CEMIP2: variants seen among roughly 807,000 people sequenced by gnomAD.
CEMIP2 encodes cell surface hyaluronidase CEMIP2.
Under a neutral mutation model 146.9 loss-of-function variants are expected in CEMIP2, and 79 were observed. The ratio of observed to expected loss-of-function variants is 0.54; its 90% CI spans 0.45 to 0.65. The LOEUF is 0.65. Among genes scored for constraint, CEMIP2 ranks in the 30% least tolerant of loss-of-function variants. The probability of loss-of-function intolerance (pLI) is 0.00; values close to 1 mark genes in which losing one functional copy is unlikely to be tolerated. For synonymous variants in CEMIP2, 601 were observed against 606.3 expected (o/e 0.99, Z 0.13); for missense variants, 1,596 against 1,696.2 (o/e 0.94, Z 1.04).
chr9:71,747,737 T>C (rs1403728337), intron 2 of CEMIP2, among the ~76,000 whole-genome samples: 3 of 152,208 alleles, frequency 2.0e-5, no homozygotes, highest in Non-Finnish European at 4.4e-5. Flanking sequence ...TTCCTCATTT[T>C]GAACTTGCAT....
intron 1 of CEMIP2, among the ~76,000 whole-genome samples, chr9:71,758,597 CCT>C (rs1360549769): frequency 6.6e-6 from 1 of 152,088 alleles, no homozygotes; most frequent in Non-Finnish European, 1.5e-5. Flanking sequence ...AGGTAGCACC[CCT>C]GAGAGGAGAG....
At chr9:71,726,553 CAAAT>C (rs1823391050) in intron 10 of CEMIP2, among the ~76,000 whole-genome samples, 1 of 152,086 alleles carries the variant, frequency 6.6e-6, no homozygotes, top group Non-Finnish European at 1.5e-5. Flanking sequence ...AGACTATTCT[CAAAT>C]AATTCATAGT....
At chr9:71,766,068 T>C (rs1289737357) in intron 1 of CEMIP2, among the ~76,000 whole-genome samples, 4 of 149,724 alleles carry the variant, frequency 2.7e-5, no homozygotes, top group African/African-American at 9.9e-5. Context: ...TTCTTCTTTT[T>C]TTTCTTTTTT....
Position 71,768,380 on chromosome 9 carries a change from C to T in CEMIP2, c.-36G>A, listed in dbSNP as rs1375950978. The stretch of plus-strand genomic sequence containing the variant: ...ACCTTCCCCTACCCCGCTTAGCGTC[C>T]GTTAACTCAGGTGCCTACACAGCGG... On this transcript the variant is annotated 5_prime_UTR_variant, in exon 1 of 24. Transcript: ENST00000377044. The T allele has an allele frequency of 6.6e-6, 1 of 152,138 alleles. No individual in the cohort carries two copies. The highest frequency in any genetic ancestry group is 2.4e-5 in the African/African-American group (1 of 41,404). The allele number at this position is 152,138 out of a possible 1,614,324, so 9.4% of individuals were successfully genotyped here.
chr9:71,761,400 AT>A (rs754653661), intron 1 of CEMIP2, among the ~76,000 whole-genome samples: 8 of 152,236 alleles, frequency 5.3e-5, no homozygotes, highest in Admixed American at 1.3e-4. Context: ...CCAAAATGCA[AT>A]GACAATAGGA....
chr9:71,685,217 G>A lies in CEMIP2; in HGVS notation c.4132C>T (p.Gln1378Ter). ...VRRRDLELLK[Q>*]ASKAH is the part of the protein sequence containing the mutation. The stretch of plus-strand genomic sequence containing the variant: ...AGTCTCTAATGTGCTTTTGAAGCTT[G>A]CTTTAGCAGTTCCAGGTCTCTTCTG... Residue 1378 changes from glutamine (Q) to a stop codon, truncating the protein, a stop_gained, in exon 24 of 24, where the codon CAA (glutamine) becomes TAA (stop). Transcript: ENST00000377044. LOFTEE classifies it high-confidence loss of function. 1 of 1,610,044 alleles carries A rather than the reference G, an allele frequency of 6.2e-7. No homozygotes were observed. The highest frequency in any genetic ancestry group is 8.5e-7 in the Non-Finnish European group (1 of 1,178,822).
intron 2 of CEMIP2, 87 bp downstream of exon 2, chr9:71,749,956 T>TTC (rs1824195798): frequency 2.4e-6 from 3 of 1,262,816 alleles, no homozygotes; most frequent in Non-Finnish European, 2.1e-6. Context: ...TAGGGCCAAC[T>TTC]TAAGATAAAT....
At chr9:71,709,121 AAGGAC>A in intron 17 of CEMIP2, 133 bp downstream of exon 17, 2 of 788,778 alleles carry the variant, frequency 2.5e-6, no homozygotes, top group Non-Finnish European at 2.0e-6. Context: ...AAAGAAAAGA[AAGGAC>A]AGGACAGGAC....
At chr9:71,701,818 G>A (rs1041249629) in intron 18 of CEMIP2, among the ~76,000 whole-genome samples, 2 of 151,724 alleles carry the variant, frequency 1.3e-5, no homozygotes, top group African/African-American at 4.8e-5. Context: ...AATATACCTA[G>A]GATAAAATTT....
chr9:71,720,956 A>G (rs1823216171), intron 12 of CEMIP2, among the ~76,000 whole-genome samples: 1 of 152,178 alleles, frequency 6.6e-6, no homozygotes, highest in Admixed American at 6.5e-5. Flanking sequence ...GGAACTACTT[A>G]AGCCATTATG....
rs1391359571 is a variant in CEMIP2, at chr9:71,756,502, TCTCTCA to T, written c.-12-6123_-12-6118del. Among the ~76,000 whole-genome samples the T allele has an allele frequency of 8.9e-3, 928 of 104,734 alleles. 5 individuals are homozygous for T. Among genetic ancestry groups the T allele is most frequent in the Non-Finnish European group, 0.012 (550 of 47,190 alleles). The allele number at this position is 104,734 out of a possible 152,430, so 68.7% of individuals were successfully genotyped here. A position where few individuals can be genotyped will look rare whatever the true frequency, so the allele number is the denominator to read the frequency against. ...CTCTCTCTCTCTCTCTCTCTCTCTC[TCTCTCA>T]CACACACACACACACACACACACAC... On this transcript the variant is annotated intron_variant, in intron 1 of 23. Transcript: ENST00000377044.
At chr9:71,752,016 T>C (rs1824268657) in intron 1 of CEMIP2, among the ~76,000 whole-genome samples, 1 of 152,232 alleles carries the variant, frequency 6.6e-6, no homozygotes, top group Non-Finnish European at 1.5e-5. Context: ...GCCTTATGTG[T>C]ATTAATTCAT....
intron 19 of CEMIP2, chr9:71,699,063 C>T (rs889232912): frequency 2.7e-5 from 4 of 147,630 alleles, no homozygotes; most frequent in African/African-American, 1.0e-4. Context: ...GCAAAACCCG[C>T]AATTCGCAAT....
intron 1 of CEMIP2, among the ~76,000 whole-genome samples, chr9:71,758,172 G>A (rs778150685): frequency 3.9e-5 from 6 of 152,088 alleles, no homozygotes; most frequent in African/African-American, 1.2e-4. Flanking sequence ...ATGAGAAAAC[G>A]GACATATGGT....
rs540882646 is a variant in CEMIP2 at position 71,683,920 on chromosome 9, C to T, written c.*1277G>A. 2.6e-5 allele frequency: 4 copies of T among 152,336 alleles called. No individual in the cohort carries two copies. The highest frequency in any genetic ancestry group is 9.6e-5 in the African/African-American group (4 of 41,452). 9.4% of individuals were successfully genotyped at this position (152,336 alleles called of 1,614,324 possible). On this transcript the variant is annotated 3_prime_UTR_variant, in exon 24 of 24. Transcript: ENST00000377044. ...TTTATGCGTCGGGGGTTTAGAACAA[C>T]GTAAAGGCATTTTGCTGCTTCTTTC...
At chr9:71,749,531 C>T (rs575979431) in intron 2 of CEMIP2, among the ~76,000 whole-genome samples, 25 of 151,888 alleles carry the variant, frequency 1.6e-4, no homozygotes, top group African/African-American at 5.8e-4. Context: ...CATGGTGAAA[C>T]CCTGTCTCTA....
chr9:71,709,890 A>T (rs537694256), intron 16 of CEMIP2, among the ~76,000 whole-genome samples: 66 of 152,346 alleles, frequency 4.3e-4, no homozygotes, highest in African/African-American at 1.5e-3. Flanking sequence ...ATTTCCCTAC[A>T]TGTAAATTAT....
In CEMIP2 at chr9:71,745,068, C is replaced by T. The variant is rs1162251565; in HGVS notation, c.984G>A (p.Gln328=). 5.0e-6 allele frequency: 8 copies of T among 1,614,020 alleles called. No individual in the cohort carries two copies. Among genetic ancestry groups the T allele is most frequent in the Non-Finnish European group, 6.8e-6 (8 of 1,180,012 alleles). The part of the protein sequence containing the change: ...AAKSLLQGTI[Q]MIQERLGSEL... ...CACTTCCCAACCGTTCCTGGATCATCTGGATGGTTCCTTGTAAGAGACTTT... is the reference window on the plus strand; with the variant it reads ...CACTTCCCAACCGTTCCTGGATCATTTGGATGGTTCCTTGTAAGAGACTTT... Residue 328 remains glutamine, a synonymous_variant, in exon 4 of 24, where the codon CAG becomes CAA. Coordinates refer to ENST00000377044, the MANE Select transcript of CEMIP2 (RefSeq NM_013390.3).
At chr9:71,708,741 A>G (rs1361011251) in intron 17 of CEMIP2, among the ~76,000 whole-genome samples, 1 of 152,180 alleles carries the variant, frequency 6.6e-6, no homozygotes, top group Non-Finnish European at 1.5e-5. Flanking sequence ...TAATAGAATT[A>G]GGAAATTTTC....
Sources: gnomAD v4.1 joint callset for allele counts (sites outside exome capture counted in the v4.1 genomes callset) on GRCh38, gnomAD v4.1.1 for gene constraint, MANE v1.5 for transcripts, NCBI Gene and HGNC (gene_info 2026-07-23, HGNC 2026-07-21) for gene names.